The following IGF2BP1 variants were observed in gnomAD, a reference collection of about 807,000 sequenced individuals.
The protein encoded by IGF2BP1 is insulin like growth factor 2 mRNA binding protein 1.
A neutral mutation model predicts 74.9 loss-of-function variants in IGF2BP1; 11 were observed. That is an observed-to-expected ratio of 0.15 (90% CI 0.09 to 0.24). The LOEUF (loss-of-function observed/expected upper bound fraction) is 0.24. Ranked by LOEUF, IGF2BP1 falls within the 10% of genes least tolerant of loss-of-function variation. The pLI is 1.00. For synonymous variants in IGF2BP1, 287 were observed against 281.8 expected, an observed-to-expected ratio of 1.02 and a Z score of -0.18; for missense variants, 440 against 757.4, an observed-to-expected ratio of 0.58 and a Z score of 4.92.
chr17:49,005,062 G>C (rs543344687), intron 2 of IGF2BP1, among the ~76,000 whole-genome samples: 1 of 152,240 alleles, frequency 6.6e-6, no homozygotes, highest in South Asian at 2.1e-4. Flanking sequence ...TGGATAGAAG[G>C]GGGGTCATCC....
Position 48,997,480 on chromosome 17 carries a change from C to T in IGF2BP1, c.-266C>T. The T allele has an allele frequency of 2.6e-6, 1 of 380,696 alleles. No homozygotes were observed. The highest frequency in any genetic ancestry group is 4.7e-6 in the Non-Finnish European group (1 of 212,644). 23.6% of individuals were successfully genotyped at this position (380,696 alleles called of 1,614,324 possible). ...CCAGCCCTCTCGGAGGGGTTTCGGA[C>T]CGAAGGGAAGAAGCTGCGCCGTGTC... On this transcript the variant is annotated 5_prime_UTR_variant, in exon 1 of 15. Coordinates refer to ENST00000290341, the MANE Select transcript of IGF2BP1 (RefSeq NM_006546.4). This position sits in a 1 kb window ranked among gnomAD's most constrained non-coding sequence, Gnocchi z 4.8.
At chr17:49,015,359 G>C (rs541088445) in intron 2 of IGF2BP1, among the ~76,000 whole-genome samples, 3 of 152,322 alleles carry the variant, frequency 2.0e-5, no homozygotes, top group Admixed American at 2.0e-4. Flanking sequence ...AGAGAGGCGG[G>C]GCCGGGCCAG....
intron 5 of IGF2BP1, chr17:49,036,668 G>A (rs2041992647): frequency 6.6e-6 from 1 of 152,210 alleles, no homozygotes; most frequent in Admixed American, 6.5e-5. Context: ...CAGTGCCTTG[G>A]GCTGGGCGCG....
intron 1 of IGF2BP1, among the ~76,000 whole-genome samples, chr17:48,998,172 C>G (rs1008429846): frequency 4.6e-5 from 7 of 152,154 alleles, no homozygotes; most frequent in African/African-American, 1.7e-4. Context: ...CTTCCCCCAT[C>G]CTTCCTCCCC....
chr17:49,023,113 C>T (rs2041812039), intron 2 of IGF2BP1, among the ~76,000 whole-genome samples: 1 of 152,188 alleles, frequency 6.6e-6, no homozygotes, highest in East Asian at 1.9e-4. Context: ...AGTTGGTCAT[C>T]GAATGAGTTC....
At chr17:49,045,129 G>A in intron 12 of IGF2BP1, 64 bp downstream of exon 12, 2 of 1,440,524 alleles carry the variant, frequency 1.4e-6, no homozygotes, top group Non-Finnish European at 9.8e-7. Flanking sequence ...TTTCCCCTGA[G>A]GTAGGAAAAA....
At chr17:49,008,270 G>A (rs2041574947) in intron 2 of IGF2BP1, among the ~76,000 whole-genome samples, 1 of 152,130 alleles carries the variant, frequency 6.6e-6, no homozygotes, top group Non-Finnish European at 1.5e-5. Context: ...TCCAAACAAG[G>A]ACTAGATGTA....
chr17:49,022,397 T>C (rs1242805979), intron 2 of IGF2BP1, among the ~76,000 whole-genome samples: 1 of 152,186 alleles, frequency 6.6e-6, no homozygotes, highest in Non-Finnish European at 1.5e-5. Flanking sequence ...ACGGCCTCTG[T>C]GCCTCCCTGC....
intron 2 of IGF2BP1, among the ~76,000 whole-genome samples, chr17:49,019,945 TATATTTATATACACAC>T (rs1237193722): frequency 2.3e-5 from 1 of 44,254 alleles, no homozygotes; most frequent in Non-Finnish European, 4.7e-5. Flanking sequence ...TATATATATA[TATATTTATATACACAC>T]ACACACACAC....
Position 49,049,567 on chromosome 17 carries a change from T to G in IGF2BP1, c.*123T>G, listed in dbSNP as rs2042145716. ...CACCTGGGCCGGGCTGTAGATCAGGTTTGCCCACTTGATTGAGAAAGATGT... is the reference window on the plus strand; with the variant it reads ...CACCTGGGCCGGGCTGTAGATCAGGGTTGCCCACTTGATTGAGAAAGATGT... On this transcript the variant is annotated 3_prime_UTR_variant, in exon 15 of 15. Coordinates refer to ENST00000290341, the MANE Select transcript of IGF2BP1 (RefSeq NM_006546.4). The G allele has an allele frequency of 2.7e-6, 2 of 747,588 alleles. No homozygotes were observed. The highest frequency in any genetic ancestry group is 3.5e-5 in the African/African-American group (2 of 57,138). The allele number at this position is 747,588 out of a possible 1,614,324, so 46.3% of individuals were successfully genotyped here. A position where few individuals can be genotyped will look rare whatever the true frequency, so the allele number is the denominator to read the frequency against.
At chr17:49,019,993 TATACACACACACACACATATATATAC>T (rs1394842157) in intron 2 of IGF2BP1, among the ~76,000 whole-genome samples, 2,497 of 87,156 alleles carry the variant, frequency 0.029, 147 homozygotes, top group African/African-American at 0.093. Context: ...CACACATATA[TATACACACACACACACATATATATAC>T]ACACACACAC....
chr17:49,032,516 G>C (rs1043787947), intron 5 of IGF2BP1, among the ~76,000 whole-genome samples: 1 of 152,094 alleles, frequency 6.6e-6, no homozygotes, highest in Non-Finnish European at 1.5e-5. Flanking sequence ...GCAATTATGC[G>C]TCTCACTCAC....
rs369153046 is a variant in IGF2BP1 at position 49,025,313 on chromosome 17, A to AGTGTGTGTGT, written c.237-270_237-261dup. On this transcript the variant is annotated intron_variant, in intron 2 of 14. Coordinates refer to ENST00000290341, the MANE Select transcript of IGF2BP1 (RefSeq NM_006546.4). ...AATGAGAAAGTGGTGGGACAAACAA[A>AGTGTGTGTGT]GTGTGTGTGTGTGTGTGTGTGTGTG... 3.4e-3 allele frequency among the ~76,000 whole-genome samples: 457 copies of AGTGTGTGTGT among 133,616 alleles called. 7 individuals are homozygous for AGTGTGTGTGT. The highest frequency in any genetic ancestry group is 7.8e-3 in the Middle Eastern group (2 of 258). 87.7% of individuals were successfully genotyped at this position (133,616 alleles called of 152,430 possible).
intron 2 of IGF2BP1, among the ~76,000 whole-genome samples, chr17:49,014,200 C>T (rs2143981938): frequency 6.6e-6 from 1 of 151,354 alleles, no homozygotes; most frequent in South Asian, 2.1e-4. Flanking sequence ...AGTGGTTCTC[C>T]CCGCGGTCCC....
At chr17:49,040,739 G>A (rs566220969) in intron 7 of IGF2BP1, among the ~76,000 whole-genome samples, 1 of 152,164 alleles carries the variant, frequency 6.6e-6, no homozygotes, top group African/African-American at 2.4e-5. Flanking sequence ...TGGACAGACC[G>A]CATTATTTTT....
Position 49,026,395 on chromosome 17 carries a change from G to C in IGF2BP1, c.286-71G>C, listed in dbSNP as rs555664067. ...ATGCCCGATTGCTTTGGGATGCAGG[G>C]TGTCCAGTGGCTGCTTTGCAAGGGT... On this transcript the variant is annotated intron_variant, in intron 3 of 14. Transcript: ENST00000290341. The C allele has an allele frequency of 2.8e-5, 37 of 1,343,104 alleles. 1 individual carries two copies. The African/African-American group carries it at 4.7e-4, about 17-fold the overall frequency. The allele number at this position is 1,343,104 out of a possible 1,614,324, so 83.2% of individuals were successfully genotyped here. A position where few individuals can be genotyped will look rare whatever the true frequency, so the allele number is the denominator to read the frequency against.
At chr17:49,010,901 C>G (rs2143960306) in intron 2 of IGF2BP1, among the ~76,000 whole-genome samples, 1 of 151,670 alleles carries the variant, frequency 6.6e-6, no homozygotes, top group South Asian at 2.1e-4. Flanking sequence ...GGAGGCAAGG[C>G]AGAAAAAATA....
chr17:49,030,825 C>T (rs2041913003), intron 4 of IGF2BP1, among the ~76,000 whole-genome samples: 1 of 151,790 alleles, frequency 6.6e-6, no homozygotes, highest in Non-Finnish European at 1.5e-5. Context: ...AAATGGGTTT[C>T]ACCATATTGG....
rs574572790 is a variant in IGF2BP1 at position 49,050,698 on chromosome 17, G to C, written c.*1254G>C. 6.6e-6 allele frequency: 1 copy of C among 152,234 alleles called. No homozygotes were observed. The highest frequency in any genetic ancestry group is 1.5e-5 in the Non-Finnish European group (1 of 68,038). 9.4% of individuals were successfully genotyped at this position (152,234 alleles called of 1,614,324 possible). ...TGTCTCCATGAATCATTATCAGCAT[G>C]ATGAAAGGTGTGTCTAAAAAACAAT... On this transcript the variant is annotated 3_prime_UTR_variant, in exon 15 of 15. Coordinates refer to ENST00000290341, the MANE Select transcript of IGF2BP1 (RefSeq NM_006546.4).
Sources: gnomAD v4.1 joint callset for allele counts (sites outside exome capture counted in the v4.1 genomes callset) on GRCh38, gnomAD v4.1.1 for gene constraint, Gnocchi (gnomAD v3.1) non-coding constraint, MANE v1.5 for transcripts, NCBI Gene and HGNC (gene_info 2026-07-23, HGNC 2026-07-21) for gene names.